Variants in B4GALNT3 observed in about 807,000 individuals in gnomAD.
B4GALNT3 encodes beta-1,4-N-acetylgalactosaminyltransferase 3.
In B4GALNT3, 86 loss-of-function variants were observed where a neutral mutation model predicts 120.2. The ratio of observed to expected loss-of-function variants is 0.72; its 90% CI spans 0.60 to 0.86. The LOEUF (loss-of-function observed/expected upper bound fraction) is 0.86, where lower values mean the gene tolerates loss of function less well. Among genes scored for constraint, B4GALNT3 ranks in the 40% least tolerant of loss-of-function variants. The probability of loss-of-function intolerance (pLI) is 0.00; values close to 1 mark genes in which losing one functional copy is unlikely to be tolerated. For synonymous variants in B4GALNT3, 518 were observed against 510.4 expected (o/e 1.01, Z -0.20); for missense variants, 1,167 against 1,298.9 (o/e 0.90, Z 1.56).
chr12:552,438 G>A (rs1422659568), intron 12 of B4GALNT3, 29 bp from the exon 13 acceptor site: 1 of 1,605,296 alleles, frequency 6.2e-7, no homozygotes, highest in Non-Finnish European at 8.5e-7. Context: ...TGCACCGGGT[G>A]CCAATGCACA....
At position 548,087 on chromosome 12, in the gene B4GALNT3, C is replaced by A; in HGVS notation, c.771C>A (p.Asp257Glu). Reference protein sequence around the residue: ...VLHKQNEEGTDHVEVAWRRND... With the variant: ...VLHKQNEEGTEHVEVAWRRND... ...ACAAGCAGAATGAGGAGGGCACCGA[C>A]CACGTGGAAGTTGCAGTGAGTTTCC... is the stretch of plus-strand genomic sequence containing the variant. Residue 257 changes from aspartate to glutamate, a missense_variant, in exon 8 of 20, where the codon GAC becomes GAA. Coordinates refer to ENST00000266383, the MANE Select transcript of B4GALNT3 (RefSeq NM_173593.4). The surrounding 1 kb of genome is among the most constrained non-coding windows in gnomAD (Gnocchi z 4.9). 1 of 1,613,980 alleles carries A rather than the reference C, an allele frequency of 6.2e-7. No individual in the cohort carries two copies. Among genetic ancestry groups the A allele is most frequent in the Non-Finnish European group, 8.5e-7 (1 of 1,180,006 alleles).
In B4GALNT3 at chr12:466,242, A is replaced by G. The variant is rs191584772; in HGVS notation, c.169+5697A>G. 7.2e-5 allele frequency among the ~76,000 whole-genome samples: 11 copies of G among 152,278 alleles called. No individual in the cohort carries two copies. The South Asian group carries it at 1.0e-3, about 14-fold the overall frequency. On this transcript the variant is annotated intron_variant, in intron 1 of 19. Transcript: ENST00000266383. ...CTGGAGAGGCTGGTAAGTACGCTGC[A>G]GTAATTTTCCAGGCCATGGAGCCTG...
chr12:558,025 C>T lies in B4GALNT3; in HGVS notation c.2544C>T (p.Tyr848=), dbSNP rs764096149. Residue 848 remains tyrosine, a synonymous_variant, in exon 17 of 20, where the codon TAC becomes TAT. Coordinates refer to ENST00000266383, the MANE Select transcript of B4GALNT3 (RefSeq NM_173593.4). The part of the protein sequence containing the change: ...LKRSKLRSYQ[Y]VKLSGNFERS... ...TCTCCCCTTCCTGCAGCTACCAGTA[C>T]GTGAAGCTAAGTGGAAACTTTGAAC... 45 of 1,613,894 alleles carry T rather than the reference C, an allele frequency of 2.8e-5. No homozygotes were observed. Among genetic ancestry groups the T allele is most frequent in the African/African-American group, 1.2e-4 (9 of 74,926 alleles).
chr12:465,735 T>C (rs1946071580), intron 1 of B4GALNT3, among the ~76,000 whole-genome samples: 1 of 152,102 alleles, frequency 6.6e-6, no homozygotes, highest in Admixed American at 6.5e-5. Context: ...ATTCCCCTGC[T>C]TGATGGTGCT....
At position 558,067 on chromosome 12, in the gene B4GALNT3, G is replaced by A; in HGVS notation, c.2586G>A (p.Gln862=). Residue 862 remains glutamine (Q), a synonymous_variant, in exon 17 of 20, where the codon CAG becomes CAA. Transcript: ENST00000266383. ...SGNFERSAGL[Q]AGIDLVKDPH... ...ACTTTGAACGCTCAGCTGGACTTCAGGCTGGCATAGACCTCGTGAAGGTAA... is the reference window on the plus strand; with the variant it reads ...ACTTTGAACGCTCAGCTGGACTTCAAGCTGGCATAGACCTCGTGAAGGTAA... 6.2e-7 allele frequency: 1 copy of A among 1,613,910 alleles called. No individual in the cohort carries two copies. Among genetic ancestry groups the A allele is most frequent in the Non-Finnish European group, 8.5e-7 (1 of 1,180,040 alleles).
At chr12:512,627 A>G (rs374671830) in intron 1 of B4GALNT3, among the ~76,000 whole-genome samples, 11,492 of 70,166 alleles carry the variant, frequency 0.16, 1,074 homozygotes, top group African/African-American at 0.19. Flanking sequence ...TCCGCCTTCC[A>G]CCTTCCGCCT....
intron 18 of B4GALNT3, 21 bp downstream of exon 18, chr12:558,682 G>A (rs1438695391): frequency 2.5e-6 from 4 of 1,611,516 alleles, no homozygotes; most frequent in Non-Finnish European, 3.4e-6. Context: ...CTCAGACTGG[G>A]GAGGGAGGAA....
intron 1 of B4GALNT3, among the ~76,000 whole-genome samples, chr12:467,171 G>C (rs940887243): frequency 6.6e-6 from 1 of 152,144 alleles, no homozygotes; most frequent in African/African-American, 2.4e-5. Flanking sequence ...GCAGTGGTGT[G>C]ATCTTAGCTT....
intron 1 of B4GALNT3, among the ~76,000 whole-genome samples, chr12:477,326 T>C (rs995414924): frequency 2.6e-5 from 4 of 152,214 alleles, no homozygotes; most frequent in Non-Finnish European, 5.9e-5. Context: ...GATCTATTTT[T>C]TTCTTACCAG....
At chr12:517,474 G>A (rs1946668851) in intron 1 of B4GALNT3, among the ~76,000 whole-genome samples, 1 of 152,188 alleles carries the variant, frequency 6.6e-6, no homozygotes, top group African/African-American at 2.4e-5. Flanking sequence ...CCCAAGACAG[G>A]TGTCTTGTGG....
At position 460,782 on chromosome 12, in the gene B4GALNT3, C is replaced by T. The variant is rs12424113; in HGVS notation, c.169+237C>T. ...CCGCCGGCCACGTGGGTCCGGGGCA[C>T]CCTGGGGGCTCCTCGCGTCTCCCCT... On this transcript the variant is annotated intron_variant, in intron 1 of 19. Transcript: ENST00000266383. This position sits in a 1 kb window ranked among gnomAD's most constrained non-coding sequence, Gnocchi z 8.0. 0.82 allele frequency among the ~76,000 whole-genome samples: 124,321 copies of T among 151,906 alleles called. 52,975 individuals are homozygous for T. Among genetic ancestry groups the T allele is most frequent in the Non-Finnish European group, 0.96 (64,973 of 67,924 alleles).
intron 1 of B4GALNT3, among the ~76,000 whole-genome samples, chr12:504,249 C>A (rs1178827811): frequency 6.6e-6 from 1 of 150,464 alleles, no homozygotes; most frequent in Non-Finnish European, 1.5e-5. Context: ...TTACTGCACT[C>A]CAGCCTGGGC....
chr12:556,155 T>A (rs1471030243), intron 14 of B4GALNT3, among the ~76,000 whole-genome samples: 1 of 152,220 alleles, frequency 6.6e-6, no homozygotes, highest in Non-Finnish European at 1.5e-5. Flanking sequence ...TTTTTATTTC[T>A]CTAGTGACTA....
intron 3 of B4GALNT3, among the ~76,000 whole-genome samples, chr12:537,363 T>A (rs1175032317): frequency 6.6e-6 from 1 of 152,188 alleles, no homozygotes; most frequent in East Asian, 1.9e-4. Flanking sequence ...TAGTTCACTG[T>A]ATCTTTAACT....
intron 6 of B4GALNT3, among the ~76,000 whole-genome samples, chr12:545,781 G>GA (rs1377876705): frequency 3.1e-5 from 4 of 127,076 alleles, no homozygotes; most frequent in Admixed American, 1.5e-4. Flanking sequence ...GAGGAGTGGG[G>GA]AGGTAAGAGG....
intron 1 of B4GALNT3, among the ~76,000 whole-genome samples, chr12:521,232 C>T (rs567869021): frequency 6.6e-6 from 1 of 152,202 alleles, no homozygotes; most frequent in East Asian, 1.9e-4. Context: ...CTGATGTAGC[C>T]CACCCTCCAC....
chr12:493,823 A>AG (rs1486289846), intron 1 of B4GALNT3, among the ~76,000 whole-genome samples: 1 of 152,218 alleles, frequency 6.6e-6, no homozygotes, highest in Admixed American at 6.5e-5. Context: ...AGATAGAGGT[A>AG]GGGGGTGAGT....
chr12:538,115 T>G (rs1293799374), intron 3 of B4GALNT3, among the ~76,000 whole-genome samples: 1 of 152,228 alleles, frequency 6.6e-6, no homozygotes, highest in Non-Finnish European at 1.5e-5. Flanking sequence ...CATGGATCCT[T>G]TTTCTTAATA....
At chr12:504,995 A>G (rs1946483124) in intron 1 of B4GALNT3, among the ~76,000 whole-genome samples, 1 of 151,240 alleles carries the variant, frequency 6.6e-6, no homozygotes, top group Admixed American at 6.6e-5. Context: ...GGTTCAAGCG[A>G]TCCTCCTGCC....
Sources: allele counts gnomAD v4.1 joint callset (sites outside exome capture counted in the v4.1 genomes callset), GRCh38; gene constraint gnomAD v4.1.1; non-coding constraint Gnocchi (gnomAD v3.1); transcripts MANE v1.5; gene names NCBI Gene and HGNC (gene_info 2026-07-23, HGNC 2026-07-21).